XRCC6: variants seen among roughly 807,000 people sequenced by gnomAD.
XRCC6 encodes DNA repair protein Ku70.
A neutral mutation model predicts 65.7 loss-of-function variants in XRCC6; 5 were observed. The observed-to-expected ratio is 0.08, with a 90% CI of 0.04 to 0.16. The LOEUF is 0.16. Among genes scored for constraint, XRCC6 ranks in the 10% least tolerant of loss-of-function variants. The pLI is 1.00. For synonymous variants in XRCC6, 270 were observed against 270.6 expected (o/e 1.00, Z 0.02); for missense variants, 447 against 738.1 (o/e 0.61, Z 4.57).
intron 6 of XRCC6, among the ~76,000 whole-genome samples, chr22:41,639,693 TG>T (rs1235694816): frequency 1.2e-5 from 1 of 86,772 alleles, no homozygotes; most frequent in Non-Finnish European, 2.4e-5. Context: ...GATGGAGTCT[TG>T]CTCTTTTGGC....
Position 41,646,878 on chromosome 22 carries a change from C to A in XRCC6, c.774-18C>A, listed in dbSNP as rs572128806. Reference sequence around the variant, plus strand: ...TGCAGTTTTTCAGTTCATGCTCTTTCATTTTTTACTCCCTCAGGTTAAAGC... The same window carrying A: ...TGCAGTTTTTCAGTTCATGCTCTTTAATTTTTTACTCCCTCAGGTTAAAGC... On this transcript the variant is annotated intron_variant, in intron 6 of 12. Transcript: ENST00000360079. The A allele has an allele frequency of 4.2e-5, 66 of 1,570,978 alleles. No homozygotes were observed. The South Asian group carries it at 7.5e-4, about 18-fold the overall frequency.
intron 2 of XRCC6, among the ~76,000 whole-genome samples, chr22:41,622,330 G>C (rs1462523681): frequency 6.6e-6 from 1 of 152,062 alleles, no homozygotes; most frequent in African/African-American, 2.4e-5. Flanking sequence ...CTGATAAATG[G>C]CCATGACCAT....
chr22:41,639,056 A>T (rs2067844356), intron 6 of XRCC6, among the ~76,000 whole-genome samples: 1 of 152,164 alleles, frequency 6.6e-6, no homozygotes, highest in African/African-American at 2.4e-5. Flanking sequence ...CTTCATTATC[A>T]TCTTAACAGA....
intron 8 of XRCC6, among the ~76,000 whole-genome samples, chr22:41,653,275 G>GT (rs2068017690): frequency 1.3e-5 from 2 of 152,110 alleles, no homozygotes; most frequent in Non-Finnish European, 2.9e-5. Flanking sequence ...GTGGTGGTGT[G>GT]TGACTGTAGT....
intron 1 of XRCC6, chr22:41,621,669 G>T (rs907143897): frequency 2.1e-5 from 6 of 282,970 alleles, no homozygotes; most frequent in Non-Finnish European, 4.1e-5. Context: ...AGGACGAGGG[G>T]GTCCGTTAGT....
chr22:41,651,709 G>A (rs2067999817), intron 8 of XRCC6, among the ~76,000 whole-genome samples: 1 of 151,536 alleles, frequency 6.6e-6, no homozygotes, highest in Non-Finnish European at 1.5e-5. Flanking sequence ...TGTATTTTTA[G>A]TAGAGACGAG....
chr22:41,627,710 A>G (rs28741110), intron 2 of XRCC6, among the ~76,000 whole-genome samples: 5,911 of 152,044 alleles, frequency 0.039, 562 homozygotes, highest in Admixed American at 0.22. Context: ...CCATCTCTAC[A>G]GTAAACTTAA....
intron 12 of XRCC6, among the ~76,000 whole-genome samples, chr22:41,662,766 T>G (rs1046616535): frequency 2.0e-5 from 3 of 152,148 alleles, no homozygotes; most frequent in African/African-American, 7.2e-5. Context: ...CAGGACTTAA[T>G]TTTTTTAATT....
intron 3 of XRCC6, among the ~76,000 whole-genome samples, chr22:41,634,126 G>C (rs1042406044): frequency 4.6e-5 from 7 of 152,150 alleles, no homozygotes; most frequent in Non-Finnish European, 7.3e-5. Context: ...AGCTCAGGCA[G>C]GACATGGAGG....
At chr22:41,647,198 A>G (rs1403888218) in intron 7 of XRCC6, 116 bp downstream of exon 7, 4 of 1,063,676 alleles carry the variant, frequency 3.8e-6, no homozygotes, top group East Asian at 2.4e-5. Context: ...TCCTGGACTC[A>G]AGCGATCCTT....
intron 6 of XRCC6, among the ~76,000 whole-genome samples, chr22:41,643,275 G>A (rs1249983647): frequency 6.6e-6 from 1 of 152,094 alleles, no homozygotes; most frequent in African/African-American, 2.4e-5. Context: ...CAGGCTTGGT[G>A]GTGGGCGCCT....
chr22:41,623,181 A>G lies in XRCC6; in HGVS notation c.82+1095A>G, dbSNP rs1215112233. 2.6e-5 allele frequency among the ~76,000 whole-genome samples: 4 copies of G among 151,460 alleles called. No homozygotes were observed. The East Asian group carries it at 5.8e-4, about 22-fold the overall frequency. ...CTGTAACCTCAAACTCCCGGGCTCA[A>G]GTGATCCTCCTGCTTCAGCTACCTC... On this transcript the variant is annotated intron_variant, in intron 2 of 12. Transcript: ENST00000360079.
intron 9 of XRCC6, among the ~76,000 whole-genome samples, chr22:41,655,128 A>G (rs1272424274): frequency 1.3e-5 from 2 of 152,172 alleles, no homozygotes; most frequent in Non-Finnish European, 2.9e-5. Flanking sequence ...CCCTTATTTA[A>G]TAACGGCCCC....
At chr22:41,643,924 G>A (rs2067904684) in intron 6 of XRCC6, among the ~76,000 whole-genome samples, 1 of 149,104 alleles carries the variant, frequency 6.7e-6, no homozygotes, top group African/African-American at 2.5e-5. Flanking sequence ...GGCGGAGGTT[G>A]CAGTGAGCTG....
At chr22:41,628,294 C>T (rs570749033) in intron 3 of XRCC6, 64 bp downstream of exon 3, 1 of 1,409,738 alleles carries the variant, frequency 7.1e-7, no homozygotes, top group South Asian at 1.2e-5. Context: ...GGTGGCGGCT[C>T]ATGCCTGTAA....
chr22:41,657,484 T>TA (rs2068055021), intron 10 of XRCC6, among the ~76,000 whole-genome samples: 1 of 136,698 alleles, frequency 7.3e-6, no homozygotes. Flanking sequence ...ATGTCATTTT[T>TA]AAAAATTTAT....
chr22:41,637,593 T>G lies in XRCC6; in HGVS notation c.590-15T>G, dbSNP rs2067822854. The G allele has an allele frequency of 6.5e-7, 1 of 1,545,340 alleles. No homozygotes were observed. Among genetic ancestry groups the G allele is most frequent in the African/African-American group, 1.4e-5 (1 of 72,166 alleles). On this transcript the variant is annotated splice_polypyrimidine_tract_variant and intron_variant, in intron 5 of 12. Transcript: ENST00000360079. ...TTGTTTTTTCCTCCCTCACTTTTGT[T>G]TACCCTTGCAACAGGCATCTTCCTT... is the stretch of plus-strand genomic sequence containing the variant.
intron 10 of XRCC6, among the ~76,000 whole-genome samples, 181 bp downstream of exon 10, chr22:41,657,213 C>A (rs2068052923): frequency 6.6e-6 from 1 of 152,156 alleles, no homozygotes; most frequent in African/African-American, 2.4e-5. Flanking sequence ...GTTGGAGACT[C>A]TGGGATTTTG....
chr22:41,656,692 G>A lies in XRCC6; in HGVS notation c.1292-211G>A, dbSNP rs2068047949. ...AAGGGATCTACTGTATACAGGAAGG[G>A]GCACCCCTCCTCCCTTGCAGTCTTC... On this transcript the variant is annotated intron_variant, in intron 9 of 12. Transcript: ENST00000360079. 2.0e-5 allele frequency among the ~76,000 whole-genome samples: 3 copies of A among 152,152 alleles called. No individual in the cohort carries two copies. In the South Asian group the frequency reaches 6.2e-4, roughly 32 times the overall value.
Sources: allele counts gnomAD v4.1 joint callset (sites outside exome capture counted in the v4.1 genomes callset), GRCh38; gene constraint gnomAD v4.1.1; transcripts MANE v1.5; gene names NCBI Gene and HGNC (gene_info 2026-07-23, HGNC 2026-07-21).